The following NEBL variants were observed in gnomAD, a reference collection of about 807,000 sequenced individuals.
NEBL encodes the protein LIM and SH3 protein 2.
In NEBL, 122 loss-of-function variants were observed where a neutral mutation model predicts 140.2. The observed-to-expected ratio is 0.87, with a 90% confidence interval of 0.75 to 1.01. The LOEUF is 1.01. Ranked by LOEUF, NEBL falls within the 50% of genes least tolerant of loss-of-function variation. The pLI, the probability that NEBL is intolerant of heterozygous loss-of-function variation, is 0.00. For missense variants in NEBL, 1,365 were observed against 1,231.3 expected (o/e 1.11, Z -1.62); for synonymous variants, 436 against 398.9 (o/e 1.09, Z -1.11).
chr10:21,031,191 G>T (rs1833766204), intron 2 of NEBL, among the ~76,000 whole-genome samples: 1 of 152,236 alleles, frequency 6.6e-6, no homozygotes, highest in Admixed American at 6.5e-5. Context: ...CTAGGGTGGA[G>T]GCAGAGAGAT....
chr10:20,888,206 G>C lies in NEBL; in HGVS notation c.260C>G (p.Ala87Gly). The C allele has an allele frequency of 6.4e-7, 1 of 1,561,554 alleles. No homozygotes were observed. Among genetic ancestry groups the C allele is most frequent in the Non-Finnish European group, 8.7e-7 (1 of 1,149,386 alleles). Reference sequence around the variant, plus strand: ...AGCTTTAATGGTGCCTTTGTATTTTGCCTGGGGGAAAAAAAAACAGGAAAA... The same window carrying C: ...AGCTTTAATGGTGCCTTTGTATTTTCCCTGGGGGAAAAAAAAACAGGAAAA... ...VKNIGAFISE[A>G]KYKGTIKADL... Residue 87 changes from alanine to glycine, a missense_variant and splice_region_variant, in exon 4 of 28, where the codon GCA (alanine) becomes GGA (glycine). By Grantham distance (60) the Ala-to-Gly change is moderately conservative. This residue lies in a region of NEBL where 1,323 missense variants were observed against 1,154.8 expected (regional missense o/e 1.15). Coordinates refer to ENST00000377122, the MANE Select transcript of NEBL (RefSeq NM_006393.3).
At chr10:20,954,363 C>G (rs918130768) in intron 4 of NEBL, among the ~76,000 whole-genome samples, 1 of 152,120 alleles carries the variant, frequency 6.6e-6, no homozygotes, top group Non-Finnish European at 1.5e-5. Context: ...TGGGCTAGGC[C>G]CTGGGTCTGT....
intron 19 of NEBL, among the ~76,000 whole-genome samples, chr10:20,821,135 T>C (rs1428024675): frequency 6.6e-6 from 1 of 152,222 alleles, no homozygotes; most frequent in Non-Finnish European, 1.5e-5. Flanking sequence ...TACATCTGAA[T>C]AGTAAATTCA....
chr10:21,086,436 C>A (rs764501867), intron 2 of NEBL, among the ~76,000 whole-genome samples: 2 of 152,142 alleles, frequency 1.3e-5, no homozygotes, highest in Admixed American at 1.3e-4. Context: ...AAAAACACTG[C>A]AGCCAATGAA....
At position 21,242,565 on chromosome 10, in the gene NEBL, T is replaced by C. The variant is rs116857237; in HGVS notation, n.348+5356A>G. Among the ~76,000 whole-genome samples the C allele has an allele frequency of 3.0e-4, 45 of 152,134 alleles. 1 individual carries two copies. The East Asian group carries it at 7.0e-3, about 24-fold the overall frequency. On this transcript the variant is annotated intron_variant and non_coding_transcript_variant, in intron 3 of 8. Coordinates refer to the NEBL transcript ENST00000675702. Reference sequence around the variant, plus strand: ...ACACCAAACCCCCATGACACACAATTACCTGTAAAACAAACCTGCACATGT... The same window carrying C: ...ACACCAAACCCCCATGACACACAATCACCTGTAAAACAAACCTGCACATGT...
At chr10:20,930,620 T>C (rs1275353294) in intron 4 of NEBL, among the ~76,000 whole-genome samples, 1 of 152,200 alleles carries the variant, frequency 6.6e-6, no homozygotes, top group African/African-American at 2.4e-5. Flanking sequence ...TCCAGCTTTC[T>C]CTCCACTGAT....
intron 1 of NEBL, among the ~76,000 whole-genome samples, chr10:21,261,078 TG>T (rs970820254): frequency 3.9e-5 from 6 of 152,176 alleles, no homozygotes; most frequent in Non-Finnish European, 1.5e-5. Context: ...GTTCTACTTG[TG>T]AGGATAGTTG....
In NEBL at chr10:20,826,479, G is replaced by T. The variant is rs146471913; in HGVS notation, c.1837C>A (p.Arg613=). The T allele has an allele frequency of 8.7e-5, 140 of 1,612,646 alleles. 1 individual carries two copies. In the South Asian group the frequency reaches 1.2e-3, roughly 14 times the overall value. ...ATATTCTGCTGATTTTTCTTCACTC[G>T]TTCGATCTCTGGGCTATCTTTCACT... is the stretch of plus-strand genomic sequence containing the variant. ...TAVKDSPEIE[R]VKKNQQNISS... is the part of the protein sequence containing the mutation. Residue 613 remains arginine (R), a synonymous_variant, in exon 18 of 28, where the codon CGA becomes AGA. Coordinates refer to ENST00000377122, the MANE Select transcript of NEBL (RefSeq NM_006393.3).
intron 7 of NEBL, among the ~76,000 whole-genome samples, chr10:20,866,847 G>A (rs1844345079): frequency 6.6e-6 from 1 of 152,024 alleles, no homozygotes; most frequent in South Asian, 2.1e-4. Context: ...GGCCATTTAT[G>A]TTTGCTCTTC....
chr10:21,225,220 TC>T (rs1842128331), intron 3 of NEBL, among the ~76,000 whole-genome samples: 1 of 152,162 alleles, frequency 6.6e-6, no homozygotes, highest in African/African-American at 2.4e-5. Flanking sequence ...CTTTTTCTCT[TC>T]CCTTAACTTT....
Position 21,239,994 on chromosome 10 carries a change from T to C in NEBL, n.348+7927A>G, listed in dbSNP as rs535529489. Among the ~76,000 whole-genome samples, 14 of 150,846 alleles carry C rather than the reference T, an allele frequency of 9.3e-5. No homozygotes were observed. The East Asian group carries it at 2.4e-3, about 25-fold the overall frequency. On this transcript the variant is annotated intron_variant and non_coding_transcript_variant, in intron 3 of 8. Transcript: ENST00000675702. ...TTGCGCCACTGCACTCCAGCCTGGG[T>C]GACAGAGCGAGACTCTGCCTCAAAA...
chr10:20,830,160 C>A (rs1037062375), intron 16 of NEBL, among the ~76,000 whole-genome samples: 1 of 152,176 alleles, frequency 6.6e-6, no homozygotes, highest in Non-Finnish European at 1.5e-5. Flanking sequence ...TTGACTCTGC[C>A]ATCTTGATAC....
chr10:21,270,660 G>A (rs533241649), intron 1 of NEBL, among the ~76,000 whole-genome samples: 11 of 152,196 alleles, frequency 7.2e-5, no homozygotes, highest in East Asian at 1.9e-4. Context: ...GAGCCACCGC[G>A]CCCAGCCCAT....
intron 26 of NEBL, among the ~76,000 whole-genome samples, chr10:20,807,593 C>T (rs932407502): frequency 6.6e-6 from 1 of 152,210 alleles, no homozygotes; most frequent in Non-Finnish European, 1.5e-5. Context: ...ATTATACAAT[C>T]TTTCGCAGCT....
chr10:21,240,335 G>A (rs149798208), intron 3 of NEBL, among the ~76,000 whole-genome samples: 1,547 of 152,130 alleles, frequency 0.01, 27 homozygotes, highest in African/African-American at 0.035. Flanking sequence ...CAATCGCTTG[G>A]TTCATTTTTT....
chr10:20,805,977 A>ATTTTCTTTT (rs1837581743), intron 26 of NEBL, among the ~76,000 whole-genome samples: 2 of 152,170 alleles, frequency 1.3e-5, no homozygotes, highest in Non-Finnish European at 2.9e-5. Flanking sequence ...AAAAAATATG[A>ATTTTCTTTT]TTATTCCCTC....
intron 4 of NEBL, among the ~76,000 whole-genome samples, chr10:20,942,087 A>C (rs561259388): frequency 6.6e-6 from 1 of 152,302 alleles, no homozygotes; most frequent in South Asian, 2.1e-4. Flanking sequence ...GGAAAAAACT[A>C]CTTTAAAGTT....
At chr10:21,281,969 A>G (rs567937994) in intron 1 of NEBL, among the ~76,000 whole-genome samples, 1 of 152,256 alleles carries the variant, frequency 6.6e-6, no homozygotes, top group Non-Finnish European at 1.5e-5. Context: ...AGGTACAACA[A>G]ACAAAAGATG....
chr10:20,953,462 G>T (rs1312518737), intron 4 of NEBL, among the ~76,000 whole-genome samples: 2 of 150,016 alleles, frequency 1.3e-5, no homozygotes, highest in African/African-American at 4.9e-5. Flanking sequence ...TGCCCAACCT[G>T]CAATATCTTG....
Sources: allele counts gnomAD v4.1 joint callset (sites outside exome capture counted in the v4.1 genomes callset), GRCh38; gene constraint gnomAD v4.1.1; regional missense constraint gnomAD v4.1.1; transcripts MANE v1.5; gene names NCBI Gene and HGNC (gene_info 2026-07-23, HGNC 2026-07-21).